TLK2: variants seen among roughly 807,000 people sequenced by gnomAD.
The protein encoded by TLK2 is serine/threonine-protein kinase tousled-like 2.
In TLK2, 6 loss-of-function variants were observed where a neutral mutation model predicts 117.3. The ratio of observed to expected loss-of-function variants is 0.05; its 90% CI spans 0.03 to 0.10. TLK2 has a LOEUF of 0.10. TLK2 is among the 10% of genes least tolerant of loss of function. The probability of loss-of-function intolerance (pLI) is 1.00; values close to 1 mark genes in which losing one functional copy is unlikely to be tolerated. For synonymous variants in TLK2, 257 were observed against 316.7 expected, an observed-to-expected ratio of 0.81 and a Z score of 2.00; for missense variants, 299 against 901.2, an observed-to-expected ratio of 0.33 and a Z score of 8.56.
chr17:62,502,023 A>C (rs2074241181), intron 2 of TLK2, among the ~76,000 whole-genome samples: 1 of 85,588 alleles, frequency 1.2e-5, no homozygotes, highest in Admixed American at 1.3e-4. Flanking sequence ...TAAGGAAAAA[A>C]TACCAATTTT....
chr17:62,476,359 G>A (rs368541845), upstream of TLK2, among the ~76,000 whole-genome samples: 3 of 151,802 alleles, frequency 2.0e-5, no homozygotes, highest in South Asian at 2.1e-4. Flanking sequence ...CGAGGTGGGC[G>A]GATCACGAGG....
At chr17:62,567,160 A>G (rs1221390960) in intron 11 of TLK2, among the ~76,000 whole-genome samples, 1 of 152,132 alleles carries the variant, frequency 6.6e-6, no homozygotes, top group Non-Finnish European at 1.5e-5. Context: ...CCCAGGAGGC[A>G]GAGGTGAGTC....
intron 7 of TLK2, among the ~76,000 whole-genome samples, chr17:62,544,635 G>A (rs2077772731): frequency 6.6e-6 from 1 of 152,186 alleles, no homozygotes; most frequent in Non-Finnish European, 1.5e-5. Flanking sequence ...TTGAAATTGG[G>A]AAGTGCAAGC....
At chr17:62,484,051 C>T (rs1297553510) in intron 2 of TLK2, among the ~76,000 whole-genome samples, 4 of 151,510 alleles carry the variant, frequency 2.6e-5, no homozygotes, top group East Asian at 3.9e-4. Context: ...CTCGAACTCC[C>T]GACCTTGTGA....
At chr17:62,551,239 CAAAAG>C (rs2078435127) in intron 7 of TLK2, among the ~76,000 whole-genome samples, 1 of 152,144 alleles carries the variant, frequency 6.6e-6, no homozygotes, top group Non-Finnish European at 1.5e-5. Context: ...GAACAGTAAT[CAAAAG>C]AATATGTAGA....
intron 11 of TLK2, among the ~76,000 whole-genome samples, chr17:62,571,313 T>C (rs942296023): frequency 6.6e-6 from 1 of 152,242 alleles, no homozygotes; most frequent in Non-Finnish European, 1.5e-5. Flanking sequence ...ACCTCTGGAT[T>C]ACCTATAATA....
At chr17:62,518,935 T>C (rs993257654) in intron 2 of TLK2, among the ~76,000 whole-genome samples, 15 of 152,274 alleles carry the variant, frequency 9.9e-5, no homozygotes, top group Middle Eastern at 3.4e-3. Flanking sequence ...TGGAGTGCAA[T>C]GTGCAGTGGC....
At chr17:62,537,525 G>A (rs1174095461) in intron 7 of TLK2, among the ~76,000 whole-genome samples, 1 of 152,156 alleles carries the variant, frequency 6.6e-6, no homozygotes, top group East Asian at 1.9e-4. Flanking sequence ...AGAGATGTGT[G>A]CATTAGGTTC....
chr17:62,548,697 A>G (rs541671516), intron 7 of TLK2, among the ~76,000 whole-genome samples: 4 of 152,240 alleles, frequency 2.6e-5, no homozygotes, highest in African/African-American at 9.6e-5. Context: ...CCATATATCT[A>G]GAAATCTGTA....
Position 62,541,380 on chromosome 17 carries a change from A to G in TLK2, c.531+5043A>G, listed in dbSNP as rs138509482. On this transcript the variant is annotated intron_variant, in intron 7 of 21. Coordinates refer to ENST00000346027, the MANE Select transcript of TLK2 (RefSeq NM_006852.6). ...GGCACTCAGTGTAATTATATGTTGC[A>G]TGAGTTAGTAAAAGCATTCTTTATA... is the stretch of plus-strand genomic sequence containing the variant. Among the ~76,000 whole-genome samples the G allele has an allele frequency of 4.4e-4, 67 of 152,298 alleles. 1 individual carries two copies. In the East Asian group the frequency reaches 0.013, roughly 29 times the overall value.
intron 2 of TLK2, among the ~76,000 whole-genome samples, chr17:62,484,803 T>A (rs1442104280): frequency 2.0e-5 from 3 of 151,662 alleles, no homozygotes; most frequent in African/African-American, 7.3e-5. Flanking sequence ...ACGCCTGTAA[T>A]CCCAGCACTT....
intron 9 of TLK2, among the ~76,000 whole-genome samples, chr17:62,555,249 T>C (rs1363757065): frequency 6.6e-6 from 1 of 152,140 alleles, no homozygotes; most frequent in Non-Finnish European, 1.5e-5. Flanking sequence ...TACTAGGCTT[T>C]GGGTACAATT....
In TLK2 at chr17:62,574,406, C is replaced by T. The variant is rs868194334; in HGVS notation, c.1121+1039C>T. 11 of 1,344,314 alleles carry T rather than the reference C, an allele frequency of 8.2e-6. No homozygotes were observed. The African/African-American group carries it at 1.6e-4, about 19-fold the overall frequency. 83.3% of individuals were successfully genotyped at this position (1,344,314 alleles called of 1,614,324 possible). On this transcript the variant is annotated intron_variant, in intron 12 of 21. Coordinates refer to ENST00000346027, the MANE Select transcript of TLK2 (RefSeq NM_006852.6). ...CCCAGCCTTAGGAGCCCACAGTTTA[C>T]TTAGGTGAGATGAACAGACGAATAA...
intron 16 of TLK2, among the ~76,000 whole-genome samples, chr17:62,588,819 C>T (rs1391560073): frequency 6.6e-6 from 1 of 152,140 alleles, no homozygotes; most frequent in Non-Finnish European, 1.5e-5. Context: ...TCATTAACTG[C>T]TTTGAACTAA....
At chr17:62,540,747 A>G (rs1437490167) in intron 7 of TLK2, among the ~76,000 whole-genome samples, 1 of 151,918 alleles carries the variant, frequency 6.6e-6, no homozygotes, top group Admixed American at 6.6e-5. Flanking sequence ...CTGCCACTCC[A>G]ACTTAAACCA....
intron 17 of TLK2, among the ~76,000 whole-genome samples, chr17:62,598,575 A>G (rs2082648374): frequency 6.7e-6 from 1 of 149,696 alleles, no homozygotes; most frequent in Non-Finnish European, 1.5e-5. Flanking sequence ...CCCAGGCTGG[A>G]GTTCAGTGGT....
chr17:62,539,881 C>G (rs186794305), intron 7 of TLK2, among the ~76,000 whole-genome samples: 377 of 152,268 alleles, frequency 2.5e-3, no homozygotes, highest in Middle Eastern at 6.8e-3. Flanking sequence ...TGCGTCTAGC[C>G]AGGGCTCTGC....
At chr17:62,533,662 A>T (rs2076914441) in intron 6 of TLK2, among the ~76,000 whole-genome samples, 2 of 151,490 alleles carry the variant, frequency 1.3e-5, no homozygotes, top group Admixed American at 1.3e-4. Flanking sequence ...TTTTTAGTAG[A>T]GGCAGGGTTT....
chr17:62,553,871 T>C (rs1200155684), intron 9 of TLK2, 116 bp downstream of exon 9: 1 of 682,856 alleles, frequency 1.5e-6, no homozygotes, highest in African/African-American at 1.8e-5. Context: ...ATAATAAACA[T>C]TTGGGTATTT....
Sources: allele counts gnomAD v4.1 joint callset (sites outside exome capture counted in the v4.1 genomes callset), GRCh38; gene constraint gnomAD v4.1.1; transcripts MANE v1.5; gene names NCBI Gene and HGNC (gene_info 2026-07-23, HGNC 2026-07-21).